STIM1: variants seen among roughly 807,000 people sequenced by gnomAD.
STIM1 encodes stromal interaction molecule 1.
A neutral mutation model predicts 74.7 loss-of-function variants in STIM1; 25 were observed. That is an observed-to-expected ratio of 0.33 (90% confidence interval 0.24 to 0.47). The LOEUF (loss-of-function observed/expected upper bound fraction) is 0.47. STIM1 is among the 20% of genes least tolerant of loss of function. The pLI, the probability that STIM1 is intolerant of heterozygous loss-of-function variation, is 1.00. For synonymous variants in STIM1, 328 were observed against 348.8 expected (o/e 0.94, Z 0.66); for missense variants, 728 against 920.8 (o/e 0.79, Z 2.71).
At chr11:4,010,023 G>C (rs2093820570) in intron 2 of STIM1, among the ~76,000 whole-genome samples, 1 of 152,086 alleles carries the variant, frequency 6.6e-6, no homozygotes, top group African/African-American at 2.4e-5. Context: ...ATGTTGCCCA[G>C]ACTAGTCTTG....
At chr11:4,025,925 A>G (rs1015452776) in intron 3 of STIM1, among the ~76,000 whole-genome samples, 1 of 152,210 alleles carries the variant, frequency 6.6e-6, no homozygotes, top group Non-Finnish European at 1.5e-5. Flanking sequence ...ACAGCTGAGA[A>G]ATGATATATA....
At chr11:4,034,134 C>T (rs1471998114) in intron 3 of STIM1, among the ~76,000 whole-genome samples, 2 of 151,800 alleles carry the variant, frequency 1.3e-5, no homozygotes, top group Non-Finnish European at 2.9e-5. Context: ...GAGGCTGAGG[C>T]AGGAGAATCG....
At chr11:3,977,467 G>T (rs1315532468) in intron 2 of STIM1, among the ~76,000 whole-genome samples, 1 of 152,192 alleles carries the variant, frequency 6.6e-6, no homozygotes, top group Non-Finnish European at 1.5e-5. Context: ...GCCTCTTCCA[G>T]CTGTGGAAAC....
At chr11:4,030,996 C>G (rs970542632) in intron 3 of STIM1, among the ~76,000 whole-genome samples, 1 of 152,152 alleles carries the variant, frequency 6.6e-6, no homozygotes, top group African/African-American at 2.4e-5. Context: ...GAAACCATCA[C>G]TGCATTAAAG....
rs761951593 is a variant in STIM1, at chr11:4,083,001, C to A, written c.1238+19C>A. 1.3e-6 allele frequency: 2 copies of A among 1,594,112 alleles called. No homozygotes were observed. Among genetic ancestry groups the A allele is most frequent in the South Asian group, 2.2e-5 (2 of 90,630 alleles). On this transcript the variant is annotated intron_variant, in intron 9 of 12. Transcript: ENST00000526596. ...CAGCTAAGTAAGTAACACCAGTTAT[C>A]TACTCTGGCAATGTCCATATCATCC... is the stretch of plus-strand genomic sequence containing the variant.
At chr11:4,088,989 T>C (rs528942060) in intron 12 of STIM1, 1 of 430,468 alleles carries the variant, frequency 2.3e-6, no homozygotes, top group Admixed American at 3.4e-5. Context: ...CCTAGCACTT[T>C]GGGAGGCCGA....
intron 1 of STIM1, among the ~76,000 whole-genome samples, chr11:3,872,939 A>G (rs1039947272): frequency 6.1e-4 from 90 of 147,706 alleles, no homozygotes; most frequent in African/African-American, 2.2e-3. Context: ...TACTGTGTTT[A>G]TGTTACTCCC....
intron 7 of STIM1, among the ~76,000 whole-genome samples, chr11:4,076,353 G>A (rs1476115404): frequency 1.3e-5 from 2 of 151,674 alleles, no homozygotes; most frequent in Non-Finnish European, 2.9e-5. Flanking sequence ...GGGTGTGGTG[G>A]CACATATCTG....
intron 3 of STIM1, among the ~76,000 whole-genome samples, chr11:4,026,354 G>T (rs980690450): frequency 1.3e-5 from 2 of 152,156 alleles, no homozygotes. Context: ...CAGCAGCAAC[G>T]ACAAAAACTG....
At chr11:4,070,286 C>G in intron 6 of STIM1, 83 bp downstream of exon 6, 1 of 1,510,742 alleles carries the variant, frequency 6.6e-7, no homozygotes, top group Non-Finnish European at 9.1e-7. Context: ...AGCCACTTGG[C>G]CCCTGAGACC....
At chr11:3,960,157 CTTT>C (rs981681119) in intron 1 of STIM1, among the ~76,000 whole-genome samples, 2 of 151,848 alleles carry the variant, frequency 1.3e-5, no homozygotes, top group African/African-American at 4.8e-5. Flanking sequence ...TGACATACCT[CTTT>C]TTTTTCAGGC....
intron 2 of STIM1, among the ~76,000 whole-genome samples, chr11:3,978,247 C>T (rs1259255411): frequency 6.6e-6 from 1 of 151,250 alleles, no homozygotes; most frequent in Non-Finnish European, 1.5e-5. Flanking sequence ...CTCCCAGGTT[C>T]AAGCGATTCT....
intron 1 of STIM1, among the ~76,000 whole-genome samples, chr11:3,910,918 G>A (rs1308316817): frequency 6.6e-6 from 1 of 151,994 alleles, no homozygotes; most frequent in Non-Finnish European, 1.5e-5. Context: ...TCCAGGAGGC[G>A]AAGGTTGCAA....
At chr11:3,900,908 T>C (rs913522326) in intron 1 of STIM1, among the ~76,000 whole-genome samples, 2 of 152,118 alleles carry the variant, frequency 1.3e-5, no homozygotes, top group Non-Finnish European at 2.9e-5. Context: ...ATGAGTGTAG[T>C]GGCTAGGCAC....
intron 10 of STIM1, 41 bp from the exon 11 acceptor site, chr11:4,084,632 A>C: frequency 7.8e-7 from 1 of 1,285,678 alleles, no homozygotes; most frequent in Non-Finnish European, 1.0e-6. Context: ...CCCTCCATAA[A>C]TCAGATTCTC....
At chr11:3,891,857 G>T (rs2091905314) in intron 1 of STIM1, among the ~76,000 whole-genome samples, 1 of 152,170 alleles carries the variant, frequency 6.6e-6, no homozygotes, top group Non-Finnish European at 1.5e-5. Flanking sequence ...AATATTTTAG[G>T]CTTGATGGGC....
chr11:3,965,253 T>C (rs2093328618), intron 1 of STIM1, among the ~76,000 whole-genome samples: 1 of 152,270 alleles, frequency 6.6e-6, no homozygotes, highest in South Asian at 2.1e-4. Context: ...ACTATATGGC[T>C]GACAAATCCT....
At chr11:4,018,325 G>A (rs71480425) in intron 2 of STIM1, among the ~76,000 whole-genome samples, 6 of 150,104 alleles carry the variant, frequency 4.0e-5, no homozygotes, top group South Asian at 2.1e-4. Context: ...GGTGGCGGGC[G>A]CCTGTAGTCC....
At position 3,955,270 on chromosome 11, in the gene STIM1, G is replaced by A. The variant is rs200881490; in HGVS notation, c.140-12282G>A. Among the ~76,000 whole-genome samples, 909 of 152,282 alleles carry A rather than the reference G, an allele frequency of 6.0e-3. 4 individuals are homozygous for A. The highest frequency in any genetic ancestry group is 9.5e-3 in the Non-Finnish European group (646 of 68,018). ...CCAAGTAGGAATATTCTGGGGTGATGGAAAGGTTCTGCATCTTGATTGGGG... is the reference window on the plus strand; with the variant it reads ...CCAAGTAGGAATATTCTGGGGTGATAGAAAGGTTCTGCATCTTGATTGGGG... On this transcript the variant is annotated intron_variant, in intron 1 of 12. Transcript: ENST00000526596.
Sources: allele counts gnomAD v4.1 joint callset (sites outside exome capture counted in the v4.1 genomes callset), GRCh38; gene constraint gnomAD v4.1.1; transcripts MANE v1.5; gene names NCBI Gene and HGNC (gene_info 2026-07-23, HGNC 2026-07-21).